CEP170: variants seen among roughly 807,000 people sequenced by gnomAD.
CEP170 encodes the protein centrosomal protein of 170 kDa.
In CEP170, 21 loss-of-function variants were observed where a neutral mutation model predicts 151.9. The ratio of observed to expected loss-of-function variants is 0.14; its 90% CI spans 0.10 to 0.20. The LOEUF (loss-of-function observed/expected upper bound fraction) is 0.20, where lower values mean the gene tolerates loss of function less well. Ranked by LOEUF, CEP170 falls within the 10% of genes least tolerant of loss-of-function variation. The probability of loss-of-function intolerance (pLI) is 1.00; values close to 1 mark genes in which losing one functional copy is unlikely to be tolerated. For synonymous variants in CEP170, 356 were observed against 648.8 expected (o/e 0.55, Z 6.86); for missense variants, 964 against 1,892.9 (o/e 0.51, Z 9.11).
chr1:243,252,953 CAT>C (rs2066076881), intron 1 of CEP170: 1 of 152,150 alleles, frequency 6.6e-6, no homozygotes, highest in Non-Finnish European at 1.5e-5. Flanking sequence ...ACTAATAACT[CAT>C]TAATGATTAC....
At chr1:243,183,795 CTT>C (rs1329927487) in intron 10 of CEP170, among the ~76,000 whole-genome samples, 1 of 152,132 alleles carries the variant, frequency 6.6e-6, no homozygotes, top group Non-Finnish European at 1.5e-5. Context: ...GCTCTAAAGT[CTT>C]GGGTTTCTCT....
At chr1:243,243,587 G>A (rs1458278313) in intron 1 of CEP170, among the ~76,000 whole-genome samples, 2 of 151,714 alleles carry the variant, frequency 1.3e-5, no homozygotes, top group Non-Finnish European at 2.9e-5. Context: ...CCAGTGGGGC[G>A]ATCTCAGCTC....
intron 14 of CEP170, among the ~76,000 whole-genome samples, chr1:243,148,478 G>A (rs1252096377): frequency 6.6e-6 from 1 of 152,108 alleles, no homozygotes; most frequent in African/African-American, 2.4e-5. Context: ...GGACGCTGAG[G>A]CACAAGAATT....
chr1:243,140,232 T>A (rs2055670864), intron 15 of CEP170, 125 bp from the exon 16 acceptor site: 1 of 1,367,248 alleles, frequency 7.3e-7, no homozygotes, highest in African/African-American at 1.4e-5. Context: ...AGGCACAACA[T>A]CTTCAATAAA....
Position 243,134,641 on chromosome 1 carries a change from G to C in CEP170, c.4319+1502C>G, listed in dbSNP as rs1558373473. Among the ~76,000 whole-genome samples, 3 of 151,854 alleles carry C rather than the reference G, an allele frequency of 2.0e-5. No individual in the cohort carries two copies. In the South Asian group the frequency reaches 6.3e-4, roughly 32 times the overall value. On this transcript the variant is annotated intron_variant, in intron 17 of 19. Coordinates refer to ENST00000366542, the MANE Select transcript of CEP170 (RefSeq NM_014812.3). ...GCCTCTCAAATAACTGGGACTATAG[G>C]CATGTGCCACCATGCCCAGCCAATT...
chr1:243,165,410 T>C lies in CEP170; in HGVS notation c.2550A>G (p.Ile850Met), dbSNP rs1342533327. 1.9e-6 allele frequency: 3 copies of C among 1,567,634 alleles called. No homozygotes were observed. Among genetic ancestry groups the C allele is most frequent in the Non-Finnish European group, 2.6e-6 (3 of 1,148,636 alleles). Reference protein sequence around the residue: ...TIEKPSPNIPIELIPHINKQT... With the variant: ...TIEKPSPNIPMELIPHINKQT... ...GTTTATTTATATGGGGAATAAGTTC[T>C]ATGGGTATGTTTGGGCTGGGTTTTT... The change falls in exon 13 of 20, where the codon ATA becomes ATG. Residue 850 changes from isoleucine (I) to methionine (M), a missense_variant. Ile to Met is a conservative substitution (Grantham distance 10). Transcript: ENST00000366542.
chr1:243,146,823 C>A (rs539842341), intron 14 of CEP170, among the ~76,000 whole-genome samples: 29 of 152,302 alleles, frequency 1.9e-4, no homozygotes, highest in African/African-American at 6.5e-4. Flanking sequence ...CGAATGCAGG[C>A]ACCAACGGGA....
intron 1 of CEP170, among the ~76,000 whole-genome samples, chr1:243,252,163 A>G (rs530112705): frequency 6.6e-6 from 1 of 152,322 alleles, no homozygotes; most frequent in African/African-American, 2.4e-5. Flanking sequence ...TCTACTCACC[A>G]AGCATTCTTC....
chr1:243,141,976 C>A (rs1037854597), intron 15 of CEP170, among the ~76,000 whole-genome samples: 1 of 152,126 alleles, frequency 6.6e-6, no homozygotes, highest in Non-Finnish European at 1.5e-5. Flanking sequence ...CATAGTCAAA[C>A]TTTATAGAAA....
chr1:243,244,308 GA>G (rs1295999190), intron 1 of CEP170, among the ~76,000 whole-genome samples: 1 of 150,938 alleles, frequency 6.6e-6, no homozygotes, highest in Non-Finnish European at 1.5e-5. Flanking sequence ...ACAAAAAAAA[GA>G]AAAAAATCTA....
At chr1:243,192,730 T>C (rs543132122) in intron 7 of CEP170, among the ~76,000 whole-genome samples, 1 of 152,362 alleles carries the variant, frequency 6.6e-6, no homozygotes. Context: ...TGTCAGGTAC[T>C]ATAATTGGTT....
In CEP170 at chr1:243,126,494, T is replaced by C. The variant is rs775228682; in HGVS notation, c.4710A>G (p.Arg1570=). The change falls in exon 20 of 20, where the codon AGA becomes AGG. Residue 1570 remains arginine (R), a synonymous_variant. Coordinates refer to ENST00000366542, the MANE Select transcript of CEP170 (RefSeq NM_014812.3). ...CTTCCTCTTCCCCATCGGGGTTGAA[T>C]CTATTGAAATGTATACTGAAATCAG... ...SEADFSIHFN[R]FNPDGEEEDV... 1.2e-6 allele frequency: 2 copies of C among 1,610,080 alleles called. No individual in the cohort carries two copies. Among genetic ancestry groups the C allele is most frequent in the South Asian group, 2.2e-5 (2 of 90,184 alleles).
chr1:243,188,003 C>T (rs2148733892), intron 8 of CEP170, among the ~76,000 whole-genome samples: 1 of 151,928 alleles, frequency 6.6e-6, no homozygotes, highest in Middle Eastern at 3.4e-3. Context: ...ACTCAAAATG[C>T]AATCTGAAAA....
At chr1:243,235,978 T>G (rs2064212641) in intron 1 of CEP170, among the ~76,000 whole-genome samples, 1 of 152,364 alleles carries the variant, frequency 6.6e-6, no homozygotes, top group East Asian at 1.9e-4. Context: ...ACTTGTTTGC[T>G]TTTGTAGAAC....
At position 243,225,169 on chromosome 1, in the gene CEP170, C is replaced by T; in HGVS notation, c.105+7G>A. 6.4e-7 allele frequency: 1 copy of T among 1,565,490 alleles called. No homozygotes were observed. The highest frequency in any genetic ancestry group is 8.7e-7 in the Non-Finnish European group (1 of 1,154,948). On this transcript the variant is annotated splice_region_variant and intron_variant, in intron 2 of 19. Coordinates refer to ENST00000366542, the MANE Select transcript of CEP170 (RefSeq NM_014812.3). Reference sequence around the variant, plus strand: ...TAAACACATATAGAGAAGCTTGACACAATTACCTGCAACATGAGCTCACAG... The same window carrying T: ...TAAACACATATAGAGAAGCTTGACATAATTACCTGCAACATGAGCTCACAG...
upstream of CEP170, among the ~76,000 whole-genome samples, chr1:243,255,736 C>T (rs1292005629): frequency 6.6e-6 from 1 of 152,234 alleles, no homozygotes; most frequent in Non-Finnish European, 1.5e-5. Context: ...AGCGTCAAGG[C>T]CTTCAGTGAG....
Position 243,184,736 on chromosome 1 carries a change from T to C in CEP170, c.1566+1043A>G, listed in dbSNP as rs1419401059. 2.0e-5 allele frequency among the ~76,000 whole-genome samples: 3 copies of C among 152,024 alleles called. No individual in the cohort carries two copies. In the East Asian group the frequency reaches 5.8e-4, roughly 29 times the overall value. On this transcript the variant is annotated intron_variant, in intron 10 of 19. Transcript: ENST00000366542. ...TCCTGCATCCCAAAGGGTTATCTTA[T>C]CTTGCCCTCCTCCCTGAAGAGGCCA...
At chr1:243,198,037 T>C (rs1392832557) in intron 7 of CEP170, among the ~76,000 whole-genome samples, 1 of 152,144 alleles carries the variant, frequency 6.6e-6, no homozygotes, top group Non-Finnish European at 1.5e-5. Context: ...AAGAAAAATG[T>C]CCTATTTATC....
chr1:243,143,550 TG>T (rs2056131219), intron 14 of CEP170, among the ~76,000 whole-genome samples: 1 of 152,194 alleles, frequency 6.6e-6, no homozygotes, highest in Admixed American at 6.5e-5. Flanking sequence ...CTGATATTCT[TG>T]TTTTTTGAGA....
Sources: gnomAD v4.1 joint callset for allele counts (sites outside exome capture counted in the v4.1 genomes callset) on GRCh38, gnomAD v4.1.1 for gene constraint, MANE v1.5 for transcripts, NCBI Gene and HGNC (gene_info 2026-07-23, HGNC 2026-07-21) for gene names.